ZNF592: variants seen among roughly 807,000 people sequenced by gnomAD.
The protein encoded by ZNF592 is zinc finger protein 592.
A neutral mutation model predicts 80.3 loss-of-function variants in ZNF592; 11 were observed. That is an observed-to-expected ratio of 0.14 (90% CI 0.09 to 0.23). The LOEUF (loss-of-function observed/expected upper bound fraction) is 0.23. ZNF592 is among the 10% of genes least tolerant of loss of function. ZNF592 has a pLI of 1.00. For missense variants in ZNF592, 1,420 were observed against 1,633.9 expected (o/e 0.87, Z 2.26); for synonymous variants, 646 against 640.3 (o/e 1.01, Z -0.13).
At chr15:84,776,162 C>T (rs1024144406) in intron 2 of ZNF592, among the ~76,000 whole-genome samples, 2 of 152,202 alleles carry the variant, frequency 1.3e-5, no homozygotes, top group Non-Finnish European at 1.5e-5. Context: ...CTATCTAGCT[C>T]GTTCAGATGC....
intron 2 of ZNF592, among the ~76,000 whole-genome samples, chr15:84,765,441 C>G (rs938868127): frequency 6.6e-6 from 1 of 151,606 alleles, no homozygotes; most frequent in African/African-American, 2.4e-5. Context: ...GAACTGCCAA[C>G]TGCTTTCTAT....
intron 1 of ZNF592, among the ~76,000 whole-genome samples, chr15:84,763,845 A>T (rs1899421188): frequency 6.6e-6 from 1 of 152,180 alleles, no homozygotes; most frequent in African/African-American, 2.4e-5. Flanking sequence ...TATGTAGTTG[A>T]TGGGCCGTTA....
rs2141530841 is a variant in ZNF592, at chr15:84,803,008, G to A, written c.*615G>A. On this transcript the variant is annotated 3_prime_UTR_variant, in exon 11 of 11. Coordinates refer to ENST00000560079, the MANE Select transcript of ZNF592 (RefSeq NM_014630.3). ...CTCATCATGTCTCTGTGGGTGGGGT[G>A]GGAGAAACCTCTGCTGCACACCTCT... 1 of 154,798 alleles carries A rather than the reference G, an allele frequency of 6.5e-6. No individual in the cohort carries two copies. The highest frequency in any genetic ancestry group is 1.4e-5 in the Non-Finnish European group (1 of 69,650). The allele number at this position is 154,798 out of a possible 1,614,324, so 9.6% of individuals were successfully genotyped here.
intron 5 of ZNF592, among the ~76,000 whole-genome samples, chr15:84,794,266 C>T (rs1041253861): frequency 6.6e-6 from 1 of 152,196 alleles, no homozygotes; most frequent in African/African-American, 2.4e-5. Flanking sequence ...AAAGTAGTAA[C>T]TCTGATTAAC....
Position 84,797,940 on chromosome 15 carries a change from A to G in ZNF592, c.2471A>G (p.Gln824Arg), listed in dbSNP as rs759291162. The G allele has an allele frequency of 2.5e-6, 4 of 1,614,234 alleles. No homozygotes were observed. Among genetic ancestry groups the G allele is most frequent in the Non-Finnish European group, 3.4e-6 (4 of 1,180,046 alleles). Residue 824 changes from glutamine to arginine, a missense_variant, in exon 6 of 11, where the codon CAG becomes CGG. Transcript: ENST00000560079. Reference sequence around the variant, plus strand: ...AGCCACATCCAGGAGCGACACTGCCAGGTTTTCCACAAATGTGCATTCTGC... The same window carrying G: ...AGCCACATCCAGGAGCGACACTGCCGGGTTTTCCACAAATGTGCATTCTGC... ...LKSHIQERHC[Q>R]VFHKCAFCPM...
intron 1 of ZNF592, among the ~76,000 whole-genome samples, chr15:84,756,551 G>A (rs1596104762): frequency 6.6e-6 from 1 of 152,188 alleles, no homozygotes; most frequent in Non-Finnish European, 1.5e-5. Flanking sequence ...CCAGGGGTGG[G>A]CACTGAGCAG....
At chr15:84,770,874 C>T (rs182213412) in intron 2 of ZNF592, among the ~76,000 whole-genome samples, 58 of 152,254 alleles carry the variant, frequency 3.8e-4, no homozygotes, top group African/African-American at 1.3e-3. Flanking sequence ...TCCAAGGGCC[C>T]CTTCAGCTTT....
chr15:84,759,870 G>T (rs1439307908), intron 1 of ZNF592, among the ~76,000 whole-genome samples: 1 of 151,900 alleles, frequency 6.6e-6, no homozygotes, highest in Non-Finnish European at 1.5e-5. Context: ...GGGACATAGG[G>T]TACAGCGTGG....
chr15:84,793,426 AC>A (rs1201414114), intron 5 of ZNF592, among the ~76,000 whole-genome samples: 1 of 152,234 alleles, frequency 6.6e-6, no homozygotes, highest in Non-Finnish European at 1.5e-5. Flanking sequence ...ATTTTTAATT[AC>A]ATATTTTCTT....
Position 84,783,219 on chromosome 15 carries a change from G to A in ZNF592, c.544G>A (p.Val182Ile), listed in dbSNP as rs1962472888. 2 of 1,614,228 alleles carry A rather than the reference G, an allele frequency of 1.2e-6. No homozygotes were observed. Among genetic ancestry groups the A allele is most frequent in the Non-Finnish European group, 1.7e-6 (2 of 1,180,042 alleles). Residue 182 changes from valine to isoleucine, a missense_variant, in exon 4 of 11, where the codon GTC becomes ATC. Val to Ile is a conservative substitution (Grantham distance 29, BLOSUM62 3). Around this residue, in one of 7 missense-constraint regions of ZNF592, gnomAD observed 373 missense variants for 355.5 expected, o/e 1.05. Transcript: ENST00000560079. This position sits in a 1 kb window ranked among gnomAD's most constrained non-coding sequence, Gnocchi z 5.0. ...TGGGTGCGGGGCTGTGGGAGGCCCA[G>A]TCCTGGAGGCTCTGGCTAAGTTTCC... ...PLGCGAVGGP[V>I]LEALAKFPVP...
intron 1 of ZNF592, among the ~76,000 whole-genome samples, chr15:84,756,483 A>T (rs1194372058): frequency 6.6e-6 from 1 of 152,196 alleles, no homozygotes; most frequent in Non-Finnish European, 1.5e-5. Context: ...TCTCAGGGAC[A>T]TTGTAGGGCC....
At chr15:84,797,790 CCCT>C in intron 5 of ZNF592, 76 bp from the exon 6 acceptor site, 1 of 1,524,504 alleles carries the variant, frequency 6.6e-7, no homozygotes, top group Admixed American at 1.7e-5. Flanking sequence ...TCTTCTCCAT[CCCT>C]CCTCTTGCAG....
At chr15:84,795,715 C>T (rs1345639295) in intron 5 of ZNF592, among the ~76,000 whole-genome samples, 13 of 152,154 alleles carry the variant, frequency 8.5e-5, no homozygotes. Flanking sequence ...TTCTGTTTAG[C>T]AGGAGAGAAA....
At chr15:84,796,756 G>GA (rs901767784) in intron 5 of ZNF592, among the ~76,000 whole-genome samples, 23 of 150,388 alleles carry the variant, frequency 1.5e-4, no homozygotes, top group Admixed American at 2.7e-4. Flanking sequence ...TTGGTAGGGA[G>GA]AAAAAAAAAT....
At chr15:84,778,777 ACAG>A (rs1251173610) in intron 3 of ZNF592, among the ~76,000 whole-genome samples, 1 of 152,174 alleles carries the variant, frequency 6.6e-6, no homozygotes, top group Non-Finnish European at 1.5e-5. Flanking sequence ...CAAATGGAGA[ACAG>A]CAGCTAGGGC....
chr15:84,797,518 A>G (rs547303941), intron 5 of ZNF592, among the ~76,000 whole-genome samples: 1 of 152,274 alleles, frequency 6.6e-6, no homozygotes, highest in African/African-American at 2.4e-5. Context: ...TGTTTATGCC[A>G]TTATTGAACC....
chr15:84,777,527 G>C (rs907077149), intron 2 of ZNF592, among the ~76,000 whole-genome samples: 1 of 151,134 alleles, frequency 6.6e-6, no homozygotes, highest in African/African-American at 2.4e-5. Context: ...TCACTATGTT[G>C]GTCTTGAACT....
At chr15:84,781,558 C>G (rs1047637216) in intron 3 of ZNF592, among the ~76,000 whole-genome samples, 4 of 152,170 alleles carry the variant, frequency 2.6e-5, no homozygotes, top group Non-Finnish European at 4.4e-5. Context: ...AAGTTTGCCA[C>G]TTTTCTGGTT....
chr15:84,761,705 CTGTT>C (rs964986816), intron 1 of ZNF592, among the ~76,000 whole-genome samples: 5 of 152,196 alleles, frequency 3.3e-5, no homozygotes, highest in African/African-American at 1.2e-4. Flanking sequence ...AGGAGCCTGT[CTGTT>C]CTTTCTGGTC....
Sources: gnomAD v4.1 joint callset for allele counts (sites outside exome capture counted in the v4.1 genomes callset) on GRCh38, gnomAD v4.1.1 for gene constraint, gnomAD v4.1.1 regional missense constraint, Gnocchi (gnomAD v3.1) non-coding constraint, MANE v1.5 for transcripts, NCBI Gene and HGNC (gene_info 2026-07-23, HGNC 2026-07-21) for gene names.